Variants in BABAM2 observed in about 807,000 individuals in gnomAD.
BABAM2 encodes the protein BRISC and BRCA1 A complex member 2.
BABAM2 carries 31 observed loss-of-function variants against 54.7 expected under a neutral mutation model. The ratio of observed to expected loss-of-function variants is 0.57; its 90% CI spans 0.43 to 0.77. BABAM2 has a LOEUF of 0.77. Ranked by LOEUF, BABAM2 falls within the 30% of genes least tolerant of loss-of-function variation. The pLI is 0.00. For synonymous variants in BABAM2, 167 were observed against 162.9 expected, an observed-to-expected ratio of 1.03 and a Z score of -0.19; for missense variants, 364 against 455.8, an observed-to-expected ratio of 0.80 and a Z score of 1.83.
chr2:28,112,197 CCCTTCCTTCCTT>C (rs1215942914), intron 6 of BABAM2, among the ~76,000 whole-genome samples: 1 of 25,490 alleles, frequency 3.9e-5, no homozygotes, highest in African/African-American at 1.9e-4. Context: ...CTCCCTCCCT[CCCTTCCTTCCTT>C]CCTTCCTTCC....
At chr2:27,924,133 A>G (rs1332626143) in intron 2 of BABAM2, among the ~76,000 whole-genome samples, 1 of 152,152 alleles carries the variant, frequency 6.6e-6, no homozygotes, top group Non-Finnish European at 1.5e-5. Flanking sequence ...TACTATTTCC[A>G]TGTATTTTTA....
chr2:28,146,878 G>T (rs371894386), intron 7 of BABAM2, among the ~76,000 whole-genome samples: 2 of 152,320 alleles, frequency 1.3e-5, no homozygotes, highest in East Asian at 3.9e-4. Flanking sequence ...AGATTTAAAA[G>T]TGTTCAGGAC....
chr2:28,316,377 AGTGGGAGTGGGAGTGGAAATGGGG>A (rs1303248514), intron 11 of BABAM2, among the ~76,000 whole-genome samples: 3 of 74,042 alleles, frequency 4.1e-5, no homozygotes, highest in Non-Finnish European at 7.8e-5. Context: ...CATGTTTGGG[AGTGGGAGTGGGAGTGGAAATGGGG>A]GTGGGAGTGG....
chr2:28,078,749 A>G (rs1166415082), intron 6 of BABAM2, among the ~76,000 whole-genome samples: 1 of 152,190 alleles, frequency 6.6e-6, no homozygotes, highest in African/African-American at 2.4e-5. Context: ...TGCCTTTCAG[A>G]CATCTAGGTG....
At chr2:27,966,631 TC>T (rs1488284897) in intron 3 of BABAM2, among the ~76,000 whole-genome samples, 2 of 152,186 alleles carry the variant, frequency 1.3e-5, no homozygotes, top group Non-Finnish European at 1.5e-5. Flanking sequence ...GTCTTTTCAG[TC>T]TTTGTCCCCT....
intron 10 of BABAM2, among the ~76,000 whole-genome samples, chr2:28,287,811 C>G (rs1418841539): frequency 6.6e-6 from 1 of 152,164 alleles, no homozygotes; most frequent in South Asian, 2.1e-4. Flanking sequence ...GGCACAGAAC[C>G]CAGATGGCAT....
chr2:28,224,208 T>G (rs964547516), intron 7 of BABAM2, among the ~76,000 whole-genome samples: 9 of 152,262 alleles, frequency 5.9e-5, no homozygotes, highest in Admixed American at 5.2e-4. Context: ...ATGTTTTCAT[T>G]GATGATGAAT....
intron 3 of BABAM2, among the ~76,000 whole-genome samples, chr2:27,983,354 C>T (rs757860060): frequency 4.4e-4 from 67 of 152,132 alleles, no homozygotes; most frequent in Non-Finnish European, 7.8e-4. Flanking sequence ...TCCAGCACCA[C>T]ATTGTCTTCA....
chr2:28,322,263 G>C lies in BABAM2; in HGVS notation c.1089-16187G>C, dbSNP rs533116378. 3.9e-5 allele frequency among the ~76,000 whole-genome samples: 6 copies of C among 152,140 alleles called. No homozygotes were observed. Among genetic ancestry groups the C allele is most frequent in the Non-Finnish European group, 7.3e-5 (5 of 68,044 alleles). On this transcript the variant is annotated intron_variant, in intron 11 of 11. Coordinates refer to ENST00000379624, the MANE Select transcript of BABAM2 (RefSeq NM_199191.3). The surrounding 1 kb of genome is among the most constrained non-coding windows in gnomAD (Gnocchi z 4.1). ...CGGTGCACAAGTGTCCCTGAACTTC[G>C]GTGAAGTATGAGCCACCAAGCTCCG...
chr2:28,087,752 G>A (rs1164675381), intron 6 of BABAM2, among the ~76,000 whole-genome samples: 3 of 151,864 alleles, frequency 2.0e-5, no homozygotes, highest in African/African-American at 7.3e-5. Flanking sequence ...GGGTTCAAGC[G>A]ATTCTCCCTC....
intron 7 of BABAM2, among the ~76,000 whole-genome samples, chr2:28,181,765 A>G (rs1454834881): frequency 2.0e-5 from 3 of 152,028 alleles, no homozygotes; most frequent in African/African-American, 7.2e-5. Flanking sequence ...TTAAAAAAAG[A>G]AAAATATGCA....
chr2:28,070,982 A>G (rs1421134420), intron 6 of BABAM2, among the ~76,000 whole-genome samples: 1 of 152,122 alleles, frequency 6.6e-6, no homozygotes, highest in Non-Finnish European at 1.5e-5. Context: ...AACCTTGGCA[A>G]GTTACTCAAC....
At chr2:28,014,552 G>A (rs1674654749) in intron 4 of BABAM2, among the ~76,000 whole-genome samples, 1 of 150,394 alleles carries the variant, frequency 6.6e-6, no homozygotes, top group Admixed American at 6.6e-5. Context: ...ATTTATTGGT[G>A]TCTACTTAGC....
chr2:28,133,394 G>A (rs979723947), intron 7 of BABAM2, among the ~76,000 whole-genome samples: 7 of 152,178 alleles, frequency 4.6e-5, no homozygotes, highest in Non-Finnish European at 8.8e-5. Context: ...ATCCCATGTG[G>A]ACCCGCCCAA....
intron 5 of BABAM2, among the ~76,000 whole-genome samples, chr2:28,034,502 T>A (rs1282481931): frequency 6.6e-6 from 1 of 152,178 alleles, no homozygotes; most frequent in African/African-American, 2.4e-5. Flanking sequence ...TCAATGATTG[T>A]TCCTGTAGGA....
intron 4 of BABAM2, 77 bp downstream of exon 4, chr2:27,988,164 CA>C: frequency 1.5e-6 from 2 of 1,372,390 alleles, no homozygotes; most frequent in Non-Finnish European, 2.1e-6. Flanking sequence ...AGTTGCTTAA[CA>C]GATAGATTTG....
At chr2:28,175,740 A>G (rs896860909) in intron 7 of BABAM2, among the ~76,000 whole-genome samples, 3 of 152,306 alleles carry the variant, frequency 2.0e-5, no homozygotes, top group African/African-American at 7.2e-5. Flanking sequence ...TACCACTGCC[A>G]CTGCTGGCAC....
At chr2:28,165,310 A>G (rs1368291959) in intron 7 of BABAM2, among the ~76,000 whole-genome samples, 4 of 152,182 alleles carry the variant, frequency 2.6e-5, no homozygotes, top group African/African-American at 9.7e-5. Flanking sequence ...CTACAGAGAG[A>G]GGACAGCACA....
intron 10 of BABAM2, among the ~76,000 whole-genome samples, chr2:28,290,224 C>T (rs1035691491): frequency 6.6e-6 from 1 of 152,170 alleles, no homozygotes; most frequent in South Asian, 2.1e-4. Context: ...TGTATTTATC[C>T]GGTCTCCTGT....
Sources: gnomAD v4.1 joint callset for allele counts (sites outside exome capture counted in the v4.1 genomes callset) on GRCh38, gnomAD v4.1.1 for gene constraint, Gnocchi (gnomAD v3.1) non-coding constraint, MANE v1.5 for transcripts, NCBI Gene and HGNC (gene_info 2026-07-23, HGNC 2026-07-21) for gene names.